Variants in NRXN1 observed in about 807,000 individuals in gnomAD.
NRXN1 encodes the protein neurexin 1.
A neutral mutation model predicts 150.9 loss-of-function variants in NRXN1; 39 were observed. The ratio of observed to expected loss-of-function variants is 0.26; its 90% confidence interval spans 0.20 to 0.34. NRXN1 has a LOEUF of 0.34. Among genes scored for constraint, NRXN1 ranks in the 10% least tolerant of loss-of-function variants. The pLI, the probability that NRXN1 is intolerant of heterozygous loss-of-function variation, is 1.00. For synonymous variants in NRXN1, 924 were observed against 757.0 expected (o/e 1.22, Z -3.62); for missense variants, 1,815 against 1,949.9 (o/e 0.93, Z 1.30).
chr2:49,919,000 A>G lies in NRXN1; in HGVS notation c.*2944T>C, dbSNP rs1213769774. ...GAAAACCCCTTTGATACCCAATCACACAAAGCACTAGAAGGGTAGGGTTAT... is the reference window on the plus strand; with the variant it reads ...GAAAACCCCTTTGATACCCAATCACGCAAAGCACTAGAAGGGTAGGGTTAT... On this transcript the variant is annotated 3_prime_UTR_variant, in exon 23 of 23. Transcript: ENST00000401669. 1 of 152,174 alleles carries G rather than the reference A, an allele frequency of 6.6e-6. No homozygotes were observed. The highest frequency in any genetic ancestry group is 1.9e-4 in the East Asian group (1 of 5,198). 9.4% of individuals were successfully genotyped at this position (152,174 alleles called of 1,614,324 possible).
chr2:50,188,348 C>T (rs1261929003), intron 18 of NRXN1, among the ~76,000 whole-genome samples: 1 of 152,062 alleles, frequency 6.6e-6, no homozygotes, highest in East Asian at 1.9e-4. Flanking sequence ...GGATCCCTTC[C>T]TTATACCTTA....
At chr2:50,745,234 G>A (rs1000888497) in intron 5 of NRXN1, among the ~76,000 whole-genome samples, 5 of 151,882 alleles carry the variant, frequency 3.3e-5, no homozygotes, top group African/African-American at 1.2e-4. Flanking sequence ...TAAGGCCAGG[G>A]CTATCACAAT....
chr2:50,506,714 A>G, intron 12 of NRXN1, 97 bp from the exon 13 acceptor site: 1 of 1,173,596 alleles, frequency 8.5e-7, no homozygotes, highest in Non-Finnish European at 1.2e-6. Flanking sequence ...GGGGAAGGTG[A>G]GGGAGAGAGA....
At chr2:50,754,334 G>T (rs1700944645) in intron 5 of NRXN1, among the ~76,000 whole-genome samples, 2 of 151,632 alleles carry the variant, frequency 1.3e-5, no homozygotes, top group Admixed American at 1.3e-4. Context: ...ATATCAAACT[G>T]GCTTTAAGAC....
chr2:51,027,630 C>T lies in NRXN1; in HGVS notation c.644G>A (p.Ser215Asn), dbSNP rs1670746278. ...GCCCTCCTCGCCCGCCTCGCACGGG[C>T]TTCCCCCGCCGCTGTTGGGCGGCTC... ...DDEPPNSGGG[S>N]PCEAGEEGEG... Residue 215 changes from serine (S) to asparagine (N), a missense_variant, in exon 2 of 23, where the codon AGC becomes AAC. Transcript: ENST00000401669. 1.9e-6 allele frequency: 3 copies of T among 1,584,004 alleles called. No homozygotes were observed. The highest frequency in any genetic ancestry group is 2.6e-6 in the Non-Finnish European group (3 of 1,165,294).
chr2:49,995,504 G>C (rs111977887), intron 21 of NRXN1, among the ~76,000 whole-genome samples: 2 of 151,980 alleles, frequency 1.3e-5, no homozygotes, highest in Admixed American at 1.3e-4. Context: ...AAAAGAGGCC[G>C]GGCGCGGTGG....
At chr2:50,284,881 A>G (rs1471606390) in intron 17 of NRXN1, among the ~76,000 whole-genome samples, 4 of 152,174 alleles carry the variant, frequency 2.6e-5, no homozygotes, top group African/African-American at 7.2e-5. Flanking sequence ...AAGATTTATA[A>G]CAAAACCATT....
intron 17 of NRXN1, among the ~76,000 whole-genome samples, chr2:50,454,449 C>A (rs573300330): frequency 6.6e-6 from 1 of 151,972 alleles, no homozygotes; most frequent in Non-Finnish European, 1.5e-5. Flanking sequence ...GATATGTATA[C>A]GTGCCCATGA....
chr2:50,305,888 CAG>C (rs1300767905), intron 17 of NRXN1, among the ~76,000 whole-genome samples: 1 of 152,150 alleles, frequency 6.6e-6, no homozygotes, highest in East Asian at 1.9e-4. Flanking sequence ...CATGTGAGAA[CAG>C]ACTTTCAGAA....
At chr2:50,414,441 T>C (rs1558689937) in intron 17 of NRXN1, among the ~76,000 whole-genome samples, 2 of 152,082 alleles carry the variant, frequency 1.3e-5, no homozygotes, top group Non-Finnish European at 2.9e-5. Context: ...TAAATATATA[T>C]ACCTACTATA....
intron 17 of NRXN1, among the ~76,000 whole-genome samples, chr2:50,402,599 G>A (rs1269815281): frequency 2.0e-5 from 3 of 152,150 alleles, no homozygotes; most frequent in African/African-American, 7.2e-5. Context: ...CAAACCTCTT[G>A]GTTAGGCCAT....
At chr2:50,824,997 C>A in intron 5 of NRXN1, among the ~76,000 whole-genome samples, 1 of 152,182 alleles carries the variant, frequency 6.6e-6, no homozygotes, top group Non-Finnish European at 1.5e-5. Flanking sequence ...AAGTGATACA[C>A]TATAGAGAAG....
At chr2:49,959,304 C>T (rs1675503969) in intron 21 of NRXN1, among the ~76,000 whole-genome samples, 1 of 152,110 alleles carries the variant, frequency 6.6e-6, no homozygotes, top group Admixed American at 6.6e-5. Flanking sequence ...CTGTCATTGA[C>T]TGCTTTGCTA....
intron 17 of NRXN1, among the ~76,000 whole-genome samples, chr2:50,404,928 C>T (rs1039284527): frequency 1.3e-5 from 2 of 151,988 alleles, no homozygotes; most frequent in African/African-American, 2.4e-5. Context: ...AAGGGTGCAC[C>T]TCTCTTAGGC....
At chr2:50,089,387 T>A (rs945380293) in intron 19 of NRXN1, among the ~76,000 whole-genome samples, 4 of 152,228 alleles carry the variant, frequency 2.6e-5, no homozygotes, top group Non-Finnish European at 5.9e-5. Flanking sequence ...GCATCCAGTG[T>A]GATGACTTTC....
intron 5 of NRXN1, among the ~76,000 whole-genome samples, chr2:50,713,114 A>T (rs956983678): frequency 2.0e-5 from 3 of 152,210 alleles, no homozygotes; most frequent in East Asian, 1.9e-4. Context: ...GGATTTTGAG[A>T]CCAGCCTGGT....
chr2:50,697,630 A>G (rs766576010), intron 5 of NRXN1, among the ~76,000 whole-genome samples: 10 of 152,084 alleles, frequency 6.6e-5, no homozygotes, highest in Admixed American at 1.3e-4. Context: ...TCTGTAGCCC[A>G]TGCTTCACTT....
At chr2:50,145,053 G>A (rs1179424377) in intron 18 of NRXN1, among the ~76,000 whole-genome samples, 1 of 151,654 alleles carries the variant, frequency 6.6e-6, no homozygotes, top group Non-Finnish European at 1.5e-5. Flanking sequence ...TTTCTGTGAT[G>A]ATTTAATGCC....
At chr2:50,375,962 T>C (rs774364565) in intron 17 of NRXN1, among the ~76,000 whole-genome samples, 2 of 151,836 alleles carry the variant, frequency 1.3e-5, no homozygotes, top group Non-Finnish European at 2.9e-5. Flanking sequence ...AATAGAACGA[T>C]ATAGTCTTAG....
Sources: allele counts gnomAD v4.1 joint callset (sites outside exome capture counted in the v4.1 genomes callset), GRCh38; gene constraint gnomAD v4.1.1; transcripts MANE v1.5; gene names NCBI Gene and HGNC (gene_info 2026-07-23, HGNC 2026-07-21).